TENM4: variants seen among roughly 807,000 people sequenced by gnomAD.
TENM4 encodes teneurin transmembrane protein 4.
TENM4 carries 82 observed loss-of-function variants against 243.3 expected under a neutral mutation model. That is an observed-to-expected ratio of 0.34 (90% CI 0.28 to 0.40). TENM4 has a LOEUF of 0.40. Ranked by LOEUF, TENM4 falls within the 10% of genes least tolerant of loss-of-function variation. The pLI is 1.00. For missense variants in TENM4, 3,138 were observed against 3,673.3 expected (o/e 0.85, Z 3.77); for synonymous variants, 1,412 against 1,456.3 (o/e 0.97, Z 0.69).
intron 32 of TENM4, among the ~76,000 whole-genome samples, chr11:78,667,399 G>A (rs17826679): frequency 0.024 from 3,629 of 152,274 alleles, 84 homozygotes; most frequent in Admixed American, 0.055. Context: ...AGCCACGTCT[G>A]TAAGGGGCAT....
At chr11:79,392,251 A>C (rs1040047376) in intron 1 of TENM4, among the ~76,000 whole-genome samples, 1 of 152,200 alleles carries the variant, frequency 6.6e-6, no homozygotes, top group Admixed American at 6.5e-5. Context: ...GCTCACAGGG[A>C]AGTTCTGGGC....
At chr11:78,814,581 C>G (rs913947055) in intron 12 of TENM4, among the ~76,000 whole-genome samples, 186 bp from the exon 13 acceptor site, 3 of 152,178 alleles carry the variant, frequency 2.0e-5, no homozygotes, top group African/African-American at 7.2e-5. Flanking sequence ...GTTCAATTGA[C>G]ATTAGCAGAA....
At position 79,173,154 on chromosome 11, in the gene TENM4, TGTATTTATTGAGTACATTTTATCGACCA is replaced by T. The variant is rs1194003138; in HGVS notation, c.-162-24376_-162-24349del. 4.6e-5 allele frequency among the ~76,000 whole-genome samples: 7 copies of T among 152,370 alleles called. No individual in the cohort carries two copies. In the South Asian group the frequency reaches 1.4e-3, roughly 32 times the overall value. On this transcript the variant is annotated intron_variant, in intron 3 of 33. Coordinates refer to ENST00000278550, the MANE Select transcript of TENM4 (RefSeq NM_001098816.3). ...TAAATAAATGAACACACAGTCGACA[TGTATTTATTGAGTACATTTTATCGACCA>T]GGCTCAGTCAAGGCACATTTTTAGC...
At chr11:79,397,434 A>C (rs923775580) in intron 1 of TENM4, among the ~76,000 whole-genome samples, 9 of 152,118 alleles carry the variant, frequency 5.9e-5, no homozygotes, top group Admixed American at 5.9e-4. Flanking sequence ...TGCCCCCTCC[A>C]ACTATGTGCT....
intron 6 of TENM4, among the ~76,000 whole-genome samples, chr11:79,036,574 T>C (rs1591229492): frequency 1.3e-5 from 2 of 152,286 alleles, no homozygotes; most frequent in South Asian, 4.1e-4. Flanking sequence ...GTGAGGGGCT[T>C]TAGCCCTAAG....
chr11:78,703,903 G>A (rs1447407689), intron 27 of TENM4, among the ~76,000 whole-genome samples: 4 of 151,224 alleles, frequency 2.6e-5, no homozygotes, highest in African/African-American at 4.9e-5. Context: ...CCGGGCTGGA[G>A]TGAAGTGGTA....
intron 1 of TENM4, among the ~76,000 whole-genome samples, chr11:79,425,220 G>A (rs977843969): frequency 2.0e-5 from 3 of 152,112 alleles, no homozygotes; most frequent in African/African-American, 2.4e-5. Context: ...GTGTACCAAA[G>A]GGACCCAGCC....
In TENM4 at chr11:79,079,785, T is replaced by TCGAGC. The variant is rs1342087933; in HGVS notation, c.-65-9781_-65-9777dup. 2.2e-4 allele frequency among the ~76,000 whole-genome samples: 32 copies of TCGAGC among 143,498 alleles called. No homozygotes were observed. In the South Asian group the frequency reaches 2.8e-3, roughly 13 times the overall value. 94.1% of individuals were successfully genotyped at this position (143,498 alleles called of 152,430 possible). On this transcript the variant is annotated intron_variant, in intron 4 of 33. Transcript: ENST00000278550. ...TGGAGGAGGTTGCAGTGAGCTGACA[T>TCGAGC]CGAGCCGCTGCACTCCAGTCTGAGC...
chr11:79,291,579 A>C (rs1856358291), intron 2 of TENM4, among the ~76,000 whole-genome samples: 1 of 152,150 alleles, frequency 6.6e-6, no homozygotes, highest in African/African-American at 2.4e-5. Context: ...GAAATCCCAG[A>C]GAGGATTTCA....
At chr11:79,099,316 A>G (rs1861164534) in intron 4 of TENM4, among the ~76,000 whole-genome samples, 1 of 151,922 alleles carries the variant, frequency 6.6e-6, no homozygotes, top group African/African-American at 2.4e-5. Flanking sequence ...CCCCCCATAT[A>G]GTCTTCTGTG....
intron 1 of TENM4, among the ~76,000 whole-genome samples, chr11:79,384,480 C>T (rs1858067665): frequency 6.6e-6 from 1 of 152,138 alleles, no homozygotes; most frequent in South Asian, 2.1e-4. Context: ...ATTCTGAGCT[C>T]CTGGTCTGAG....
intron 1 of TENM4, among the ~76,000 whole-genome samples, chr11:79,371,772 C>G (rs567512154): frequency 2.6e-5 from 4 of 152,280 alleles, no homozygotes; most frequent in Admixed American, 2.0e-4. Context: ...AGTCAAGAAA[C>G]CCCCTGGGGA....
intron 1 of TENM4, among the ~76,000 whole-genome samples, chr11:79,316,436 G>A (rs115583429): frequency 0.012 from 1,899 of 152,282 alleles, 38 homozygotes; most frequent in African/African-American, 0.043. Flanking sequence ...ACAGCTTGGC[G>A]AATGTAGGTA....
intron 1 of TENM4, among the ~76,000 whole-genome samples, chr11:79,358,502 C>T (rs1857534452): frequency 1.3e-5 from 2 of 152,168 alleles, no homozygotes; most frequent in Non-Finnish European, 2.9e-5. Context: ...AGGACACAAA[C>T]TGTATGCATA....
chr11:78,675,191 T>G (rs964586138), intron 30 of TENM4, among the ~76,000 whole-genome samples: 1 of 152,132 alleles, frequency 6.6e-6, no homozygotes, highest in Non-Finnish European at 1.5e-5. Flanking sequence ...TACCACCACC[T>G]CGCTATGAGA....
chr11:79,382,313 C>G (rs959991286), intron 1 of TENM4, among the ~76,000 whole-genome samples: 1 of 152,172 alleles, frequency 6.6e-6, no homozygotes, highest in Non-Finnish European at 1.5e-5. Flanking sequence ...CCTTCCTTAA[C>G]CTGGGGGCTT....
chr11:79,210,569 C>T (rs1455572151), intron 3 of TENM4, among the ~76,000 whole-genome samples: 1 of 152,158 alleles, frequency 6.6e-6, no homozygotes, highest in Non-Finnish European at 1.5e-5. Flanking sequence ...GGTCATGGGC[C>T]TTGAAAGAGG....
chr11:79,051,330 C>A (rs1263896919), intron 6 of TENM4, among the ~76,000 whole-genome samples: 1 of 152,154 alleles, frequency 6.6e-6, no homozygotes, highest in African/African-American at 2.4e-5. Context: ...TTGTTTAACA[C>A]AAGGTAACAC....
Position 79,084,449 on chromosome 11 carries a change from C to T in TENM4, c.-65-14440G>A, listed in dbSNP as rs117910299. Among the ~76,000 whole-genome samples the T allele has an allele frequency of 2.2e-3, 331 of 152,078 alleles. 13 individuals are homozygous for T. The South Asian group carries it at 0.051, about 23-fold the overall frequency. ...TCATAAAAGCTTTATTCATAATAGC[C>T]GAGAAATGGAAACAACCCAGATATC... On this transcript the variant is annotated intron_variant, in intron 4 of 33. Coordinates refer to ENST00000278550, the MANE Select transcript of TENM4 (RefSeq NM_001098816.3).
Sources: gnomAD v4.1 joint callset for allele counts (sites outside exome capture counted in the v4.1 genomes callset) on GRCh38, gnomAD v4.1.1 for gene constraint, MANE v1.5 for transcripts, NCBI Gene and HGNC (gene_info 2026-07-23, HGNC 2026-07-21) for gene names.